USP6: variants seen among roughly 807,000 people sequenced by gnomAD.
USP6 encodes ubiquitin specific peptidase 6.
USP6 carries 128 observed loss-of-function variants against 175.7 expected under a neutral mutation model. That is an observed-to-expected ratio of 0.73 (90% confidence interval 0.63 to 0.84). USP6 has a LOEUF of 0.84. Ranked by LOEUF, USP6 falls within the 40% of genes least tolerant of loss-of-function variation. The probability of loss-of-function intolerance (pLI) is 0.00; values close to 1 mark genes in which losing one functional copy is unlikely to be tolerated. For missense variants in USP6, 1,498 were observed against 1,760.3 expected (o/e 0.85, Z 2.67); for synonymous variants, 562 against 630.6 (o/e 0.89, Z 1.63).
chr17:5,129,457 C>G (rs539430457), intron 8 of USP6: 3 of 152,634 alleles, frequency 2.0e-5, no homozygotes, highest in African/African-American at 7.2e-5. Context: ...GCATGGGGAG[C>G]CTTCTGCCCT....
rs529790058 is a variant in USP6 at position 5,132,722 on chromosome 17, T to C, written c.196-188T>C. The stretch of plus-strand genomic sequence containing the variant: ...GTGTGTCTGTGGCCTGAGGATGGCA[T>C]GTCCCGGGGTCCCAAAGCCAGCCCA... On this transcript the variant is annotated intron_variant, in intron 12 of 37. Coordinates refer to ENST00000574788, the MANE Select transcript of USP6 (RefSeq NM_001304284.2). The surrounding 1 kb of genome is among the most constrained non-coding windows in gnomAD (Gnocchi z 4.7). 2.8e-4 allele frequency among the ~76,000 whole-genome samples: 42 copies of C among 152,160 alleles called. No individual in the cohort carries two copies. The highest frequency in any genetic ancestry group is 9.9e-4 in the African/African-American group (41 of 41,524).
At chr17:5,153,712 A>C (rs1262866814) in intron 30 of USP6, among the ~76,000 whole-genome samples, 1 of 147,284 alleles carries the variant, frequency 6.8e-6, no homozygotes, top group East Asian at 2.0e-4. Context: ...CTGGAGTGCA[A>C]TGGCACGATC....
intron 24 of USP6, 114 bp from the exon 25 acceptor site, chr17:5,142,283 C>T (rs2143959804): frequency 2.6e-6 from 4 of 1,540,164 alleles, no homozygotes; most frequent in Non-Finnish European, 3.5e-6. Context: ...CCAAGGAATA[C>T]ATCTCTTGTT....
intron 13 of USP6, 78 bp from the exon 14 acceptor site, chr17:5,133,365 A>G: frequency 1.4e-6 from 2 of 1,470,312 alleles, no homozygotes; most frequent in Non-Finnish European, 1.9e-6. Context: ...AAAACTGACA[A>G]TTTCCAGAAT....
chr17:5,126,152 G>A (rs1052740703), intron 6 of USP6, among the ~76,000 whole-genome samples: 16 of 152,006 alleles, frequency 1.1e-4, no homozygotes, highest in East Asian at 5.8e-4. Context: ...TGCCTTCTCC[G>A]TAGACCATGC....
intron 4 of USP6, among the ~76,000 whole-genome samples, chr17:5,123,321 C>A (rs1230572559): frequency 6.6e-6 from 1 of 151,972 alleles, no homozygotes; most frequent in Non-Finnish European, 1.5e-5. Context: ...GTAGAGGCAG[C>A]GCCTCCCCGC....
intron 2 of USP6, among the ~76,000 whole-genome samples, chr17:5,118,751 G>C (rs1010410584): frequency 1.3e-5 from 2 of 152,194 alleles, no homozygotes; most frequent in African/African-American, 4.8e-5. Context: ...GCTCTCAGCG[G>C]AGAGGGGAGC....
In USP6 at chr17:5,141,884, T is replaced by C; in HGVS notation, c.1574-119T>C. 11 of 1,441,520 alleles carry C rather than the reference T, an allele frequency of 7.6e-6. No homozygotes were observed. In the South Asian group the frequency reaches 1.4e-4, roughly 18 times the overall value. The allele number at this position is 1,441,520 out of a possible 1,614,324, so 89.3% of individuals were successfully genotyped here. ...ATTTCAAAGACCTGCTAGAGAATTA[T>C]TAGCACCATTTAGCTGATTATGAGA... On this transcript the variant is annotated intron_variant, in intron 23 of 37. Transcript: ENST00000574788.
At chr17:5,143,816 C>T (rs932650042) in intron 25 of USP6, among the ~76,000 whole-genome samples, 2 of 151,616 alleles carry the variant, frequency 1.3e-5, no homozygotes, top group Admixed American at 1.3e-4. Flanking sequence ...ATCCCAGCTA[C>T]TTGGGAGGCT....
intron 22 of USP6, among the ~76,000 whole-genome samples, chr17:5,140,110 T>C (rs1821719): frequency 0.74 from 112,656 of 151,712 alleles, 42,668 homozygotes; most frequent in Non-Finnish European, 0.81. Flanking sequence ...CATGAGCCTG[T>C]CTTTAAACTC....
chr17:5,118,565 C>T (rs114151986), intron 2 of USP6, among the ~76,000 whole-genome samples: 2 of 152,300 alleles, frequency 1.3e-5, no homozygotes, highest in African/African-American at 4.8e-5. Context: ...GGCCCCTAGC[C>T]CCATTGCGTG....
chr17:5,142,569 T>C, intron 25 of USP6, 67 bp downstream of exon 25: 1 of 1,523,762 alleles, frequency 6.6e-7, no homozygotes, highest in African/African-American at 1.4e-5. Context: ...TTTTCTCTAC[T>C]TGTTTTTTGT....
Position 5,137,749 on chromosome 17 carries a change from G to A in USP6, c.924G>A (p.Gln308=). 1 of 1,608,092 alleles carries A rather than the reference G, an allele frequency of 6.2e-7. No individual in the cohort carries two copies. The highest frequency in any genetic ancestry group is 1.7e-5 in the Admixed American group (1 of 59,830). The change falls in exon 20 of 38, where the codon CAG becomes CAA. Residue 308 remains glutamine, a splice_region_variant and synonymous_variant. Coordinates refer to ENST00000574788, the MANE Select transcript of USP6 (RefSeq NM_001304284.2). ...CCAGCATTGCTCTTAAGGTTCAGCA[G>A]AGTAAGTCTACGTGTGCCCAGTGGG... ...PITSIALKVQ[Q]KRLMKTSRCG... is the part of the protein sequence containing the mutation.
intron 15 of USP6, chr17:5,134,278 G>C: frequency 2.4e-6 from 1 of 416,940 alleles, no homozygotes; most frequent in Non-Finnish European, 4.5e-6. Flanking sequence ...CCTGACCCAC[G>C]GAGACCCATG....
chr17:5,139,539 C>T lies in USP6; in HGVS notation c.1363C>T (p.Pro455Ser), dbSNP rs2073377049. The change falls in exon 22 of 38, where the codon CCC (proline) becomes TCC (serine). Residue 455 changes from proline (P) to serine (S), a missense_variant. By Grantham distance (74) the Pro-to-Ser change is moderately conservative (BLOSUM62 -1). Transcript: ENST00000574788. ...SWRFLEWKSM[P>S]RLPTDLDIGG... ...GAGATTCCTGGAGTGGAAGTCAATGCCCCGGCTCCCAACGGACCTGGATAT... is the reference window on the plus strand; with the variant it reads ...GAGATTCCTGGAGTGGAAGTCAATGTCCCGGCTCCCAACGGACCTGGATAT... The T allele has an allele frequency of 6.2e-7, 1 of 1,613,710 alleles. No individual in the cohort carries two copies. The highest frequency in any genetic ancestry group is 1.1e-5 in the South Asian group (1 of 91,084).
At chr17:5,154,722 T>TTC (rs11454620) in intron 30 of USP6, among the ~76,000 whole-genome samples, 54,677 of 149,966 alleles carry the variant, frequency 0.36, 10,734 homozygotes, top group Non-Finnish European at 0.45. Context: ...TTTTTTTTTT[T>TTC]CCCCCCACTG....
rs1175175281 is a variant in USP6, at chr17:5,174,116, A to AT, written c.*1139dup. ...CATGTCCACTGGTTTTTTTATTTTG[A>AT]TATTTGTCTTTTTTTAAATTTTACA... On this transcript the variant is annotated 3_prime_UTR_variant, in exon 38 of 38. Transcript: ENST00000574788. 3.5e-5 allele frequency: 7 copies of AT among 201,588 alleles called. No individual in the cohort carries two copies. Among genetic ancestry groups the AT allele is most frequent in the Non-Finnish European group, 6.1e-5 (6 of 97,866 alleles). The allele number at this position is 201,588 out of a possible 1,614,324, so 12.5% of individuals were successfully genotyped here. A position where few individuals can be genotyped will look rare whatever the true frequency, so the allele number is the denominator to read the frequency against.
rs1490853734 is a variant in USP6, at chr17:5,160,445, GACAT to G, written c.2829-1079_2829-1076del. ...AAGTAGGAATTGTATATACATCTAAGACATACAGCTTATATTTCGATAATATGTA... is the reference window on the plus strand; with the variant it reads ...AAGTAGGAATTGTATATACATCTAAGACAGCTTATATTTCGATAATATGTA... On this transcript the variant is annotated intron_variant, in intron 31 of 37. Coordinates refer to ENST00000574788, the MANE Select transcript of USP6 (RefSeq NM_001304284.2). Among the ~76,000 whole-genome samples, 17 of 151,902 alleles carry G rather than the reference GACAT, an allele frequency of 1.1e-4. No individual in the cohort carries two copies. In the East Asian group the frequency reaches 3.3e-3, roughly 29 times the overall value.
intron 37 of USP6, among the ~76,000 whole-genome samples, chr17:5,172,395 G>C (rs1159722096): frequency 2.7e-5 from 4 of 145,956 alleles, no homozygotes; most frequent in Admixed American, 6.8e-5. Context: ...GCCAGATGTG[G>C]TGGCACATGC....
Sources: gnomAD v4.1 joint callset for allele counts (sites outside exome capture counted in the v4.1 genomes callset) on GRCh38, gnomAD v4.1.1 for gene constraint, Gnocchi (gnomAD v3.1) non-coding constraint, MANE v1.5 for transcripts, NCBI Gene and HGNC (gene_info 2026-07-23, HGNC 2026-07-21) for gene names.